The following HCRTR2 variants were observed in gnomAD, a reference collection of about 807,000 sequenced individuals.
HCRTR2 encodes the protein orexin receptor type 2.
Under a neutral mutation model 49.0 loss-of-function variants are expected in HCRTR2, and 22 were observed. The observed-to-expected ratio is 0.45, with a 90% confidence interval of 0.32 to 0.64. The LOEUF (loss-of-function observed/expected upper bound fraction) is 0.64, where lower values mean the gene tolerates loss of function less well. HCRTR2 is among the 30% of genes least tolerant of loss of function. The probability of loss-of-function intolerance (pLI) is 0.04; values close to 1 mark genes in which losing one functional copy is unlikely to be tolerated. For missense variants in HCRTR2, 491 were observed against 559.4 expected, an observed-to-expected ratio of 0.88 and a Z score of 1.23; for synonymous variants, 236 against 205.3, an observed-to-expected ratio of 1.15 and a Z score of -1.28.
intron 3 of HCRTR2, among the ~76,000 whole-genome samples, chr6:55,260,089 T>C (rs1581862788): frequency 6.6e-6 from 1 of 152,206 alleles, no homozygotes; most frequent in Non-Finnish European, 1.5e-5. Flanking sequence ...TTCATAAATA[T>C]ACCAACCACA....
Position 55,274,517 on chromosome 6 carries a change from T to G in HCRTR2, c.763-2863T>G, listed in dbSNP as rs183229735. ...TCTAGTGGGTTTTTGGTAGATTCTT[T>G]AGGATGATCTTTGTAAGCAATAATT... On this transcript the variant is annotated intron_variant, in intron 4 of 6. Coordinates refer to ENST00000370862, the MANE Select transcript of HCRTR2 (RefSeq NM_001384272.1). Among the ~76,000 whole-genome samples the G allele has an allele frequency of 3.7e-3, 569 of 151,844 alleles. 3 individuals are homozygous for G. Among genetic ancestry groups the G allele is most frequent in the Middle Eastern group, 6.8e-3 (2 of 294 alleles).
intron 1 of HCRTR2, among the ~76,000 whole-genome samples, chr6:55,190,961 A>G (rs968421351): frequency 1.3e-5 from 2 of 152,190 alleles, no homozygotes; most frequent in African/African-American, 4.8e-5. Flanking sequence ...TTGACAAGCC[A>G]AGTAGTTTTC....
At chr6:55,131,234 T>C (rs1261432439) in intron 1 of HCRTR2, among the ~76,000 whole-genome samples, 2 of 151,866 alleles carry the variant, frequency 1.3e-5, no homozygotes, top group Admixed American at 6.6e-5. Context: ...TTATTATTGA[T>C]AATGAATACA....
chr6:55,279,582 T>C (rs527925579), intron 5 of HCRTR2, among the ~76,000 whole-genome samples: 1 of 144,848 alleles, frequency 6.9e-6, no homozygotes, highest in South Asian at 2.3e-4. Context: ...GATGGAGACT[T>C]TAGCAGGAAA....
chr6:55,266,023 T>TAAAAC (rs972521254), intron 4 of HCRTR2, among the ~76,000 whole-genome samples: 22 of 152,090 alleles, frequency 1.4e-4, no homozygotes, highest in African/African-American at 4.1e-4. Flanking sequence ...GCTAAAAGCC[T>TAAAAC]AAAACAAAAC....
In HCRTR2 at chr6:55,265,317, A is replaced by G. The variant is rs114597796; in HGVS notation, c.762+1495A>G. Among the ~76,000 whole-genome samples, 685 of 152,138 alleles carry G rather than the reference A, an allele frequency of 4.5e-3. 8 individuals are homozygous for G. Among genetic ancestry groups the G allele is most frequent in the African/African-American group, 0.016 (646 of 41,532 alleles). The stretch of plus-strand genomic sequence containing the variant: ...CCTAGTACCTATTATTGTATCTGTC[A>G]GGTTTTGCTAGGTTATTATTCTTCT... On this transcript the variant is annotated intron_variant, in intron 4 of 6. Coordinates refer to ENST00000370862, the MANE Select transcript of HCRTR2 (RefSeq NM_001384272.1).
At chr6:55,174,263 G>A, upstream of HCRTR2, 1 of 405,766 alleles carries the variant, frequency 2.5e-6, no homozygotes, top group Non-Finnish European at 4.7e-6. Flanking sequence ...ACTGAGTGCT[G>A]GAATGAGGAG....
downstream of HCRTR2, among the ~76,000 whole-genome samples, chr6:55,282,911 A>C (rs1162515397): frequency 1.3e-5 from 2 of 152,152 alleles, no homozygotes; most frequent in Non-Finnish European, 2.9e-5. Flanking sequence ...AAAAAATCAC[A>C]AGACTGTTGT....
chr6:55,208,715 G>C (rs1050432462), intron 1 of HCRTR2, among the ~76,000 whole-genome samples: 2 of 152,160 alleles, frequency 1.3e-5, no homozygotes, highest in Admixed American at 6.6e-5. Flanking sequence ...ATTTTCTGCT[G>C]TGATGTGTAC....
intron 1 of HCRTR2, among the ~76,000 whole-genome samples, chr6:55,118,084 G>C (rs1269940376): frequency 6.6e-6 from 1 of 151,684 alleles, no homozygotes; most frequent in Non-Finnish European, 1.5e-5. Flanking sequence ...CCCAGTGTGT[G>C]TGTTCCCCAA....
At chr6:55,206,179 G>A (rs1765597458) in intron 1 of HCRTR2, among the ~76,000 whole-genome samples, 2 of 152,054 alleles carry the variant, frequency 1.3e-5, no homozygotes, top group African/African-American at 4.8e-5. Context: ...TATTTTGGTA[G>A]CAGAAGGAAC....
intron 4 of HCRTR2, among the ~76,000 whole-genome samples, chr6:55,273,762 T>C (rs1287404398): frequency 1.0e-5 from 1 of 96,578 alleles, no homozygotes; most frequent in African/African-American, 3.2e-5. Context: ...TTTCCTTCCC[T>C]GACCAGTAAA....
chr6:55,260,839 C>G (rs1766740791), intron 3 of HCRTR2, among the ~76,000 whole-genome samples: 2 of 152,108 alleles, frequency 1.3e-5, no homozygotes, highest in African/African-American at 4.8e-5. Context: ...AATCATCATG[C>G]TTATTATTGA....
At chr6:55,246,062 T>G (rs1358706433) in intron 1 of HCRTR2, among the ~76,000 whole-genome samples, 1 of 151,542 alleles carries the variant, frequency 6.6e-6, no homozygotes, top group Non-Finnish European at 1.5e-5. Context: ...GAAATTGGAG[T>G]TATACTGCAC....
chr6:55,130,785 T>C (rs1432751460), intron 1 of HCRTR2, among the ~76,000 whole-genome samples: 2 of 151,876 alleles, frequency 1.3e-5, no homozygotes, highest in Non-Finnish European at 2.9e-5. Context: ...GCATTATTAA[T>C]ATCCCACCCC....
rs377430561 is a variant in HCRTR2, at chr6:55,218,987, C to A, written c.224-29652C>A. Among the ~76,000 whole-genome samples, 21 of 152,046 alleles carry A rather than the reference C, an allele frequency of 1.4e-4. No homozygotes were observed. In the East Asian group the frequency reaches 3.3e-3, roughly 24 times the overall value. On this transcript the variant is annotated intron_variant, in intron 1 of 6. Transcript: ENST00000370862. ...TGCAGACATGCAACACCATACCCAG[C>A]TAATTTTTTAACCTTTTGTACAGAT... is the stretch of plus-strand genomic sequence containing the variant.
chr6:55,245,509 T>C (rs1554181939), intron 1 of HCRTR2, among the ~76,000 whole-genome samples: 1 of 102,228 alleles, frequency 9.8e-6, no homozygotes, highest in African/African-American at 4.3e-5. Flanking sequence ...ATATATATCT[T>C]CCCCAAAAGT....
At chr6:55,221,375 C>CTT (rs1765888000) in intron 1 of HCRTR2, among the ~76,000 whole-genome samples, 1 of 152,120 alleles carries the variant, frequency 6.6e-6, no homozygotes, top group African/African-American at 2.4e-5. Flanking sequence ...AATAAGCCCA[C>CTT]ACATACATTG....
chr6:55,139,660 G>T (rs936570809), intron 1 of HCRTR2, among the ~76,000 whole-genome samples: 3 of 152,102 alleles, frequency 2.0e-5, no homozygotes, highest in African/African-American at 4.8e-5. Context: ...TAAAAGCACC[G>T]GGTAAACCAT....
Sources: gnomAD v4.1 joint callset for allele counts (sites outside exome capture counted in the v4.1 genomes callset) on GRCh38, gnomAD v4.1.1 for gene constraint, MANE v1.5 for transcripts, NCBI Gene and HGNC (gene_info 2026-07-23, HGNC 2026-07-21) for gene names.